THSD7A: variants seen among roughly 807,000 people sequenced by gnomAD.
THSD7A encodes the protein thrombospondin type-1 domain-containing protein 7A.
A neutral mutation model predicts 231.3 loss-of-function variants in THSD7A; 96 were observed. That is an observed-to-expected ratio of 0.41 (90% CI 0.35 to 0.49). The LOEUF is 0.49. Ranked by LOEUF, THSD7A falls within the 20% of genes least tolerant of loss-of-function variation. THSD7A has a pLI of 0.05. For synonymous variants in THSD7A, 940 were observed against 743.3 expected, an observed-to-expected ratio of 1.26 and a Z score of -4.30; for missense variants, 2,290 against 2,070.2, an observed-to-expected ratio of 1.11 and a Z score of -2.06.
chr7:11,568,198 T>A (rs1366441646), intron 4 of THSD7A, among the ~76,000 whole-genome samples: 2 of 152,182 alleles, frequency 1.3e-5, no homozygotes, highest in Admixed American at 1.3e-4. Flanking sequence ...AGTTCACTGT[T>A]CTCAGACATT....
intron 4 of THSD7A, among the ~76,000 whole-genome samples, chr7:11,564,864 G>A (rs997866875): frequency 2.6e-5 from 4 of 152,106 alleles, no homozygotes; most frequent in East Asian, 1.9e-4. Context: ...ACCTTGTTTC[G>A]TGTAAGATAA....
At chr7:11,443,828 A>G (rs1364085923) in intron 13 of THSD7A, among the ~76,000 whole-genome samples, 1 of 152,064 alleles carries the variant, frequency 6.6e-6, no homozygotes, top group Non-Finnish European at 1.5e-5. Context: ...GAGATGACCC[A>G]TCACCTCAAA....
intron 1 of THSD7A, among the ~76,000 whole-genome samples, chr7:11,818,839 C>A (rs1381628423): frequency 6.6e-6 from 1 of 151,454 alleles, no homozygotes; most frequent in Non-Finnish European, 1.5e-5. Flanking sequence ...AAGTGTAGGA[C>A]CATCTACATT....
chr7:11,376,506 T>C lies in THSD7A; in HGVS notation c.4889+64A>G, dbSNP rs192803049. On this transcript the variant is annotated intron_variant, in intron 27 of 27. Coordinates refer to ENST00000423059, the MANE Select transcript of THSD7A (RefSeq NM_015204.3). ...AATGTAGAGTACTTATTTGAGACAT[T>C]AGTTTGCTGTTTCTGTGTTACGATT... The C allele has an allele frequency of 3.3e-4, 402 of 1,220,698 alleles. 1 individual carries two copies. In the African/African-American group the frequency reaches 5.3e-3, roughly 16 times the overall value. 75.6% of individuals were successfully genotyped at this position (1,220,698 alleles called of 1,614,324 possible). A position where few individuals can be genotyped will look rare whatever the true frequency, so the allele number is the denominator to read the frequency against.
At chr7:11,544,502 A>G (rs1182049559) in intron 4 of THSD7A, among the ~76,000 whole-genome samples, 1 of 152,206 alleles carries the variant, frequency 6.6e-6, no homozygotes, top group African/African-American at 2.4e-5. Flanking sequence ...AGGACTATCA[A>G]ATTCCAATTG....
intron 1 of THSD7A, among the ~76,000 whole-genome samples, chr7:11,676,260 G>A (rs1452298164): frequency 3.9e-5 from 6 of 152,026 alleles, no homozygotes; most frequent in Non-Finnish European, 8.8e-5. Flanking sequence ...TCCATCTGAA[G>A]GTCACCAACA....
intron 8 of THSD7A, among the ~76,000 whole-genome samples, chr7:11,473,695 C>G (rs570321955): frequency 6.6e-6 from 1 of 152,168 alleles, no homozygotes; most frequent in African/African-American, 2.4e-5. Context: ...TGTCGACTCT[C>G]TGGTTCTTTG....
intron 1 of THSD7A, among the ~76,000 whole-genome samples, chr7:11,761,670 A>G (rs1782865521): frequency 1.3e-5 from 2 of 152,146 alleles, no homozygotes; most frequent in South Asian, 2.1e-4. Flanking sequence ...GCAAATGTCA[A>G]TTTCTAACAA....
chr7:11,760,385 T>C (rs1035535028), intron 1 of THSD7A, among the ~76,000 whole-genome samples: 3 of 151,870 alleles, frequency 2.0e-5, no homozygotes. Flanking sequence ...AAAAAAGAAA[T>C]AGGATGTATT....
chr7:11,563,346 T>C (rs1790156771), intron 4 of THSD7A, among the ~76,000 whole-genome samples: 1 of 152,138 alleles, frequency 6.6e-6, no homozygotes, highest in Non-Finnish European at 1.5e-5. Context: ...CTACGATAAC[T>C]CATTATTAAG....
At chr7:11,490,244 A>G (rs903692784) in intron 6 of THSD7A, among the ~76,000 whole-genome samples, 1 of 152,090 alleles carries the variant, frequency 6.6e-6, no homozygotes, top group African/African-American at 2.4e-5. Context: ...CCATTTTAAC[A>G]AAGTGCAGTA....
At chr7:11,489,529 T>C (rs547372673) in intron 6 of THSD7A, among the ~76,000 whole-genome samples, 3 of 152,210 alleles carry the variant, frequency 2.0e-5, no homozygotes, top group East Asian at 1.9e-4. Context: ...AATTTTAACA[T>C]TGAGGGAAAT....
intron 2 of THSD7A, among the ~76,000 whole-genome samples, chr7:11,608,966 A>G (rs1280452520): frequency 2.6e-5 from 4 of 152,212 alleles, no homozygotes; most frequent in African/African-American, 9.6e-5. Context: ...GAACATTTTC[A>G]AATCATCTGG....
rs1159502255 is a variant in THSD7A, at chr7:11,636,951, G to T, written c.201C>A (p.Gly67=). 6.2e-7 allele frequency: 1 copy of T among 1,605,340 alleles called. No individual in the cohort carries two copies. The highest frequency in any genetic ancestry group is 1.3e-5 in the African/African-American group (1 of 74,756). The stretch of plus-strand genomic sequence containing the variant: ...GACCACATTCATCTCCCATACATCG[G>T]CCCCATGGACCTACAAAAATTATAA... The part of the protein sequence containing the change: ...TLYLWKTGPW[G]RCMGDECGPG... Residue 67 remains glycine, a synonymous_variant, in exon 2 of 28, where the codon GGC becomes GGA. Transcript: ENST00000423059. This position sits in a 1 kb window ranked among gnomAD's most constrained non-coding sequence, Gnocchi z 10.0.
chr7:11,383,615 T>A (rs1431028131), intron 23 of THSD7A, among the ~76,000 whole-genome samples: 1 of 152,014 alleles, frequency 6.6e-6, no homozygotes, highest in African/African-American at 2.4e-5. Context: ...ATTGCCAGAT[T>A]TTAATTTTTT....
In THSD7A at chr7:11,814,016, CA is replaced by C. The variant is rs755108300; in HGVS notation, c.190+17740del. 1.3e-5 allele frequency among the ~76,000 whole-genome samples: 2 copies of C among 152,088 alleles called. No individual in the cohort carries two copies. The highest frequency in any genetic ancestry group is 2.9e-5 in the Non-Finnish European group (2 of 68,016). On this transcript the variant is annotated intron_variant, in intron 1 of 27. Coordinates refer to ENST00000423059, the MANE Select transcript of THSD7A (RefSeq NM_015204.3). The surrounding 1 kb of genome is among the most constrained non-coding windows in gnomAD (Gnocchi z 5.1). ...GTAAAACATGGATGGACTTTGAAAA[CA>C]TGATGCGAAATAAAAGGTGCTAGTC...
chr7:11,438,730 T>C (rs987209999), intron 13 of THSD7A, among the ~76,000 whole-genome samples: 1 of 152,000 alleles, frequency 6.6e-6, no homozygotes, highest in African/African-American at 2.4e-5. Context: ...TGAATGCCAG[T>C]ATGATGTCCA....
At chr7:11,530,841 T>C (rs555226885) in intron 6 of THSD7A, among the ~76,000 whole-genome samples, 2 of 152,194 alleles carry the variant, frequency 1.3e-5, no homozygotes, top group East Asian at 3.9e-4. Context: ...TGAAGCCTGG[T>C]CTCTACTAAA....
chr7:11,524,063 T>C (rs1788375925), intron 6 of THSD7A, among the ~76,000 whole-genome samples: 1 of 152,194 alleles, frequency 6.6e-6, no homozygotes, highest in South Asian at 2.1e-4. Flanking sequence ...TTTTTATTTA[T>C]TTTAGTATGC....
Sources: gnomAD v4.1 joint callset for allele counts (sites outside exome capture counted in the v4.1 genomes callset) on GRCh38, gnomAD v4.1.1 for gene constraint, Gnocchi (gnomAD v3.1) non-coding constraint, MANE v1.5 for transcripts, NCBI Gene and HGNC (gene_info 2026-07-23, HGNC 2026-07-21) for gene names.